Variants in STAM observed in about 807,000 individuals in gnomAD.
STAM encodes the protein signal transducing adapter molecule 1.
Under a neutral mutation model 63.4 loss-of-function variants are expected in STAM, and 16 were observed. The ratio of observed to expected loss-of-function variants is 0.25; its 90% CI spans 0.17 to 0.38. The LOEUF is 0.38. Ranked by LOEUF, STAM falls within the 10% of genes least tolerant of loss-of-function variation. The pLI is 1.00. For synonymous variants in STAM, 238 were observed against 223.9 expected (o/e 1.06, Z -0.56); for missense variants, 636 against 657.1 (o/e 0.97, Z 0.35).
At chr10:17,664,445 A>G (rs922182508) in intron 2 of STAM, among the ~76,000 whole-genome samples, 8 of 152,104 alleles carry the variant, frequency 5.3e-5, no homozygotes, top group Non-Finnish European at 1.2e-4. Context: ...AGCTCCTCTT[A>G]AACATTTGTA....
chr10:17,659,525 A>T (rs1241353838), intron 1 of STAM, among the ~76,000 whole-genome samples: 1 of 127,878 alleles, frequency 7.8e-6, no homozygotes, highest in Non-Finnish European at 1.6e-5. Context: ...ACTGGAGTGC[A>T]GTGTACGATC....
intron 1 of STAM, among the ~76,000 whole-genome samples, chr10:17,647,430 T>G (rs1833561403): frequency 6.6e-6 from 1 of 152,202 alleles, no homozygotes; most frequent in South Asian, 2.1e-4. Context: ...TTAAATTTTT[T>G]TGCTTCCCCT....
At position 17,650,866 on chromosome 10, in the gene STAM, C is replaced by T. The variant is rs61458856; in HGVS notation, c.40+6487C>T. 9.1e-3 allele frequency among the ~76,000 whole-genome samples: 1,387 copies of T among 152,140 alleles called. 21 individuals carry two copies. The highest frequency in any genetic ancestry group is 0.032 in the African/African-American group (1,314 of 41,490). On this transcript the variant is annotated intron_variant, in intron 1 of 13. Transcript: ENST00000377524. ...GGATTATGAGGTCAGCAGATCGAGACCATCCTGGCTAACATGGTGAAACCC... is the reference window on the plus strand; with the variant it reads ...GGATTATGAGGTCAGCAGATCGAGATCATCCTGGCTAACATGGTGAAACCC...
At chr10:17,689,752 A>G (rs1489904753) in intron 5 of STAM, among the ~76,000 whole-genome samples, 2 of 152,232 alleles carry the variant, frequency 1.3e-5, no homozygotes, top group African/African-American at 4.8e-5. Flanking sequence ...GGTTCTTGTT[A>G]ACTCAAAACT....
In STAM at chr10:17,716,670, G is replaced by A. The variant is rs1173672499; in HGVS notation, c.*1890G>A. The stretch of plus-strand genomic sequence containing the variant: ...TTTTAATTTTGATATCTTTCATGCT[G>A]AAAATCAATGACATAGTCTCTACTA... On this transcript the variant is annotated 3_prime_UTR_variant, in exon 14 of 14. Transcript: ENST00000377524. Among the ~76,000 whole-genome samples, 6 of 152,066 alleles carry A rather than the reference G, an allele frequency of 3.9e-5. No homozygotes were observed. Among genetic ancestry groups the A allele is most frequent in the African/African-American group, 1.2e-4 (5 of 41,406 alleles).
In STAM at chr10:17,714,813, C is replaced by A; in HGVS notation, c.*33C>A. 1 of 1,532,982 alleles carries A rather than the reference C, an allele frequency of 6.5e-7. No individual in the cohort carries two copies. Among genetic ancestry groups the A allele is most frequent in the Non-Finnish European group, 9.0e-7 (1 of 1,106,148 alleles). 95.0% of individuals were successfully genotyped at this position (1,532,982 alleles called of 1,614,324 possible). A position where few individuals can be genotyped will look rare whatever the true frequency, so the allele number is the denominator to read the frequency against. ...TGTTCCTCTTGGTGGCAGATACCTGCTAAATGCCACTGACAATGTTATGAG... is the reference window on the plus strand; with the variant it reads ...TGTTCCTCTTGGTGGCAGATACCTGATAAATGCCACTGACAATGTTATGAG... On this transcript the variant is annotated 3_prime_UTR_variant, in exon 14 of 14. Coordinates refer to ENST00000377524, the MANE Select transcript of STAM (RefSeq NM_003473.4).
At chr10:17,651,250 C>T (rs1055987439) in intron 1 of STAM, among the ~76,000 whole-genome samples, 1 of 152,012 alleles carries the variant, frequency 6.6e-6, no homozygotes, top group Non-Finnish European at 1.5e-5. Flanking sequence ...CTGTGCTCTT[C>T]AGGTGTGGAT....
chr10:17,688,759 A>C (rs1355467912), intron 5 of STAM, among the ~76,000 whole-genome samples: 1 of 152,066 alleles, frequency 6.6e-6, no homozygotes, highest in Admixed American at 6.5e-5. Flanking sequence ...CACCAGGCCC[A>C]GCCAGTACAG....
At chr10:17,706,266 A>G (rs1001570874) in intron 12 of STAM, among the ~76,000 whole-genome samples, 2 of 151,552 alleles carry the variant, frequency 1.3e-5, no homozygotes, top group Non-Finnish European at 2.9e-5. Flanking sequence ...TAGCTTTTAT[A>G]CAGGGTTATG....
chr10:17,647,388 C>G (rs1833559487), intron 1 of STAM, among the ~76,000 whole-genome samples: 2 of 152,100 alleles, frequency 1.3e-5, no homozygotes, highest in Non-Finnish European at 2.9e-5. Flanking sequence ...TTCAGGACAC[C>G]AAACTTTTTC....
chr10:17,695,148 G>T lies in STAM; in HGVS notation c.635G>T (p.Gly212Val). 6.2e-7 allele frequency: 1 copy of T among 1,614,038 alleles called. No homozygotes were observed. The highest frequency in any genetic ancestry group is 1.1e-5 in the South Asian group (1 of 91,072). ...SSLLTNHQHE[G>V]RKVRAIYDFE... The stretch of plus-strand genomic sequence containing the variant: ...CTCTTAACTAACCACCAACATGAAG[G>T]CCGAAAAGTTCGTGCTATATATGAC... Residue 212 changes from glycine to valine, a missense_variant, in exon 7 of 14, where the codon GGC becomes GTC. Gly to Val is a moderately radical substitution (Grantham distance 109). This residue lies in a region of STAM where 532 missense variants were observed against 536.9 expected (regional missense o/e 0.99). Coordinates refer to ENST00000377524, the MANE Select transcript of STAM (RefSeq NM_003473.4).
chr10:17,669,884 C>CTTTT (rs76381388), intron 2 of STAM, among the ~76,000 whole-genome samples: 5,026 of 120,500 alleles, frequency 0.042, 107 homozygotes, highest in Admixed American at 0.062. Flanking sequence ...CTTTTCTTTT[C>CTTTT]TTTTTTTTTT....
chr10:17,675,932 G>T (rs1834836596), intron 2 of STAM, among the ~76,000 whole-genome samples: 1 of 152,036 alleles, frequency 6.6e-6, no homozygotes, highest in Non-Finnish European at 1.5e-5. Context: ...CCATGTGGTG[G>T]AATCAGATTA....
intron 2 of STAM, among the ~76,000 whole-genome samples, chr10:17,669,655 G>GT (rs1358160257): frequency 1.3e-5 from 2 of 149,092 alleles, no homozygotes; most frequent in Admixed American, 1.3e-4. Context: ...TTTCAGTGGG[G>GT]TTTTTCTTTC....
chr10:17,644,370 C>T lies in STAM; in HGVS notation c.31C>T (p.Gln11Ter). 6.2e-7 allele frequency: 1 copy of T among 1,614,168 alleles called. No homozygotes were observed. Among genetic ancestry groups the T allele is most frequent in the Non-Finnish European group, 8.5e-7 (1 of 1,180,030 alleles). The change falls in exon 1 of 14, where the codon CAG (glutamine) becomes TAG (stop). Residue 11 changes from glutamine (Q) to a stop codon, truncating the protein, a stop_gained. Transcript: ENST00000377524. LOFTEE classifies it high-confidence loss of function. ...TCTTTTTGCCACCAATCCCTTCGAT[C>T]AGGATGTTGGTAAGTGTTTTTGCCT... MPLFATNPFD[Q>*]DVEKATSEMN...
rs1486585411 is a variant in STAM, at chr10:17,644,239, CTG to C, written c.-99_-98del. On this transcript the variant is annotated 5_prime_UTR_variant, in exon 1 of 14. Coordinates refer to ENST00000377524, the MANE Select transcript of STAM (RefSeq NM_003473.4). ...GTCGCGGACCCTGTAGAGTCGGTCTCTGTTGCTCTTTTTGCCTGAGGAGTCTT... is the reference window on the plus strand; with the variant it reads ...GTCGCGGACCCTGTAGAGTCGGTCTCTTGCTCTTTTTGCCTGAGGAGTCTT... The C allele has an allele frequency of 3.1e-6, 4 of 1,305,498 alleles. No individual in the cohort carries two copies. The highest frequency in any genetic ancestry group is 1.8e-4 in the Middle Eastern group (1 of 5,524). The allele number at this position is 1,305,498 out of a possible 1,614,324, so 80.9% of individuals were successfully genotyped here.
intron 4 of STAM, among the ~76,000 whole-genome samples, chr10:17,687,402 C>T (rs1260124498): frequency 3.9e-5 from 6 of 152,044 alleles, no homozygotes; most frequent in Admixed American, 2.0e-4. Flanking sequence ...ACCGCATCCC[C>T]CACCCCCCTC....
At chr10:17,703,024 A>AAAG (rs1836080983) in intron 9 of STAM, among the ~76,000 whole-genome samples, 1 of 106,736 alleles carries the variant, frequency 9.4e-6, no homozygotes, top group African/African-American at 3.6e-5. Flanking sequence ...AAAAAAAAAA[A>AAAG]AAAGAAAAGA....
intron 2 of STAM, among the ~76,000 whole-genome samples, chr10:17,663,349 A>C (rs1019765431): frequency 1.3e-5 from 2 of 151,478 alleles, no homozygotes; most frequent in African/African-American, 2.4e-5. Flanking sequence ...CATTTTTTTT[A>C]GTTTTTCATA....
Sources: allele counts gnomAD v4.1 joint callset (sites outside exome capture counted in the v4.1 genomes callset), GRCh38; gene constraint gnomAD v4.1.1; regional missense constraint gnomAD v4.1.1; transcripts MANE v1.5; gene names NCBI Gene and HGNC (gene_info 2026-07-23, HGNC 2026-07-21).